Variants in RIPOR3 observed in about 807,000 individuals in gnomAD.
The protein encoded by RIPOR3 is RIPOR family member 3, also known as family with sequence similarity 65 member C.
A neutral mutation model predicts 114.3 loss-of-function variants in RIPOR3; 95 were observed. The observed-to-expected ratio is 0.83, with a 90% confidence interval of 0.70 to 0.99. The LOEUF (loss-of-function observed/expected upper bound fraction) is 0.99, where lower values mean the gene tolerates loss of function less well. Among genes scored for constraint, RIPOR3 ranks in the 50% least tolerant of loss-of-function variants. RIPOR3 has a pLI of 0.00. For missense variants in RIPOR3, 1,252 were observed against 1,266.9 expected, an observed-to-expected ratio of 0.99 and a Z score of 0.18; for synonymous variants, 575 against 543.8, an observed-to-expected ratio of 1.06 and a Z score of -0.80.
intron 6 of RIPOR3, 84 bp downstream of exon 6, chr20:50,610,769 C>T: frequency 6.3e-7 from 1 of 1,585,578 alleles, no homozygotes; most frequent in Non-Finnish European, 8.6e-7. Context: ...TCGAGGGCAC[C>T]TCCCCAGCTC....
chr20:50,639,897 G>A (rs995687203), intron 1 of RIPOR3, among the ~76,000 whole-genome samples: 7 of 152,060 alleles, frequency 4.6e-5, no homozygotes, highest in Non-Finnish European at 7.3e-5. Context: ...GCTGTCCTGT[G>A]TGTTCAGCAG....
intron 2 of RIPOR3, among the ~76,000 whole-genome samples, chr20:50,625,860 A>T (rs1408135743): frequency 6.6e-6 from 1 of 152,136 alleles, no homozygotes; most frequent in Non-Finnish European, 1.5e-5. Flanking sequence ...AAATGGCCTT[A>T]TTATGTCAAT....
chr20:50,607,585 T>G (rs116689071), intron 11 of RIPOR3, among the ~76,000 whole-genome samples: 2,373 of 152,126 alleles, frequency 0.016, 59 homozygotes, highest in African/African-American at 0.055. Context: ...TAGGCTTGGA[T>G]GGCACTGAGC....
At chr20:50,594,983 G>A in intron 16 of RIPOR3, 2 of 512,404 alleles carry the variant, frequency 3.9e-6, no homozygotes, top group Non-Finnish European at 3.5e-6. Context: ...CTGGCCTTCT[G>A]AGGGGAGGTC....
chr20:50,611,267 A>AT, intron 4 of RIPOR3, 63 bp from the exon 5 acceptor site: 1 of 1,608,200 alleles, frequency 6.2e-7, no homozygotes, highest in South Asian at 1.1e-5. Context: ...TCCAAGGCCT[A>AT]TGAGGCTCTA....
At chr20:50,593,860 A>G (rs1004972880) in intron 17 of RIPOR3, among the ~76,000 whole-genome samples, 7 of 152,002 alleles carry the variant, frequency 4.6e-5, no homozygotes, top group African/African-American at 1.5e-4. Flanking sequence ...CTGGGGAAGA[A>G]CGCAGTCCAG....
intron 2 of RIPOR3, among the ~76,000 whole-genome samples, chr20:50,630,252 G>A (rs1262736308): frequency 1.3e-5 from 2 of 152,144 alleles, no homozygotes; most frequent in African/African-American, 2.4e-5. Context: ...ACAGGCATGA[G>A]CCACCGTGCC....
chr20:50,641,737 C>T lies in RIPOR3; in HGVS notation c.4-10881G>A, dbSNP rs193167925. Among the ~76,000 whole-genome samples the T allele has an allele frequency of 7.2e-5, 11 of 152,358 alleles. 1 individual carries two copies. Among genetic ancestry groups the T allele is most frequent in the South Asian group, 6.2e-4 (3 of 4,830 alleles). On this transcript the variant is annotated intron_variant, in intron 1 of 21. Coordinates refer to ENST00000327979, the MANE Select transcript of RIPOR3 (RefSeq NM_001290268.2). ...ACACAGATCACTTTAGCGTTTCCCACGCTAAACCACTGAAACTGAGGGTTT... is the reference window on the plus strand; with the variant it reads ...ACACAGATCACTTTAGCGTTTCCCATGCTAAACCACTGAAACTGAGGGTTT...
intron 14 of RIPOR3, chr20:50,596,991 A>G (rs1456528690): frequency 6.6e-6 from 1 of 152,180 alleles, no homozygotes; most frequent in African/African-American, 2.4e-5. Context: ...TTTTTGAGAC[A>G]GAGTCTTACT....
intron 3 of RIPOR3, among the ~76,000 whole-genome samples, chr20:50,616,533 G>A (rs2084178624): frequency 6.6e-6 from 1 of 152,036 alleles, no homozygotes; most frequent in Admixed American, 6.6e-5. Flanking sequence ...AGTAGAGATG[G>A]GGTTTCACTA....
chr20:50,635,706 G>A (rs1445382928), intron 1 of RIPOR3, among the ~76,000 whole-genome samples: 1 of 152,130 alleles, frequency 6.6e-6, no homozygotes, highest in Non-Finnish European at 1.5e-5. Context: ...AAGAAAAGAA[G>A]GAAACCGAGG....
intron 1 of RIPOR3, among the ~76,000 whole-genome samples, chr20:50,686,250 G>T (rs1295879843): frequency 6.6e-6 from 1 of 151,832 alleles, no homozygotes; most frequent in African/African-American, 2.4e-5. Flanking sequence ...TAGAGACGGG[G>T]TTTCACTGTG....
At chr20:50,688,698 C>T (rs1431553380) in intron 1 of RIPOR3, among the ~76,000 whole-genome samples, 1 of 152,168 alleles carries the variant, frequency 6.6e-6, no homozygotes, top group Non-Finnish European at 1.5e-5. Flanking sequence ...ATCTCAAGCA[C>T]TAAACAGCGG....
intron 4 of RIPOR3, 101 bp downstream of exon 4, chr20:50,615,901 G>C: frequency 8.7e-7 from 1 of 1,149,390 alleles, no homozygotes; most frequent in Non-Finnish European, 1.2e-6. Context: ...CTAGTTCTGA[G>C]AAAGAGTCAC....
intron 13 of RIPOR3, among the ~76,000 whole-genome samples, chr20:50,601,650 C>T (rs1211165902): frequency 6.6e-6 from 1 of 152,116 alleles, no homozygotes; most frequent in African/African-American, 2.4e-5. Context: ...AGAACAGCCC[C>T]GGGGTATGAG....
At chr20:50,671,427 C>CGCGT (rs1472067546) in intron 1 of RIPOR3, among the ~76,000 whole-genome samples, 1 of 5,734 alleles carries the variant, frequency 1.7e-4, no homozygotes, top group East Asian at 0.028. Context: ...CACGCGCGCG[C>CGCGT]GCACACACAC....
intron 1 of RIPOR3, among the ~76,000 whole-genome samples, chr20:50,668,609 C>A (rs1305582707): frequency 6.6e-6 from 1 of 152,184 alleles, no homozygotes; most frequent in Non-Finnish European, 1.5e-5. Context: ...GTAATCCCAG[C>A]ACTTTGGGAG....
chr20:50,620,739 G>T lies in RIPOR3; in HGVS notation c.123-607C>A, dbSNP rs189343988. ...GTAATAAAGCTTTTCCACCATGGCT[G>T]CCACTGGAGAGCAGCAGCCATGGCT... is the stretch of plus-strand genomic sequence containing the variant. On this transcript the variant is annotated intron_variant, in intron 2 of 21. Coordinates refer to ENST00000327979, the MANE Select transcript of RIPOR3 (RefSeq NM_001290268.2). 1.2e-4 allele frequency: 59 copies of T among 476,154 alleles called. No individual in the cohort carries two copies. In the East Asian group the frequency reaches 2.2e-3, roughly 18 times the overall value. 29.5% of individuals were successfully genotyped at this position (476,154 alleles called of 1,614,324 possible). A position where few individuals can be genotyped will look rare whatever the true frequency, so the allele number is the denominator to read the frequency against.
intron 1 of RIPOR3, among the ~76,000 whole-genome samples, chr20:50,665,088 C>T (rs576930334): frequency 6.6e-6 from 1 of 151,686 alleles, no homozygotes; most frequent in Non-Finnish European, 1.5e-5. Context: ...GGTGACAGAG[C>T]GAGACCCTGT....
Sources: allele counts gnomAD v4.1 joint callset (sites outside exome capture counted in the v4.1 genomes callset), GRCh38; gene constraint gnomAD v4.1.1; transcripts MANE v1.5; gene names NCBI Gene and HGNC (gene_info 2026-07-23, HGNC 2026-07-21).